The following C6orf132 variants were observed in gnomAD, a reference collection of about 807,000 sequenced individuals.
C6orf132 encodes the protein chromosome 6 open reading frame 132, also known as uncharacterized protein C6orf132.
In C6orf132, 43 loss-of-function variants were observed where a neutral mutation model predicts 65.3. That is an observed-to-expected ratio of 0.66 (90% CI 0.52 to 0.85). The LOEUF (loss-of-function observed/expected upper bound fraction) is 0.85. C6orf132 is among the 40% of genes least tolerant of loss of function. The pLI, the probability that C6orf132 is intolerant of heterozygous loss-of-function variation, is 0.00. For synonymous variants in C6orf132, 631 were observed against 654.1 expected, an observed-to-expected ratio of 0.96 and a Z score of 0.54; for missense variants, 1,488 against 1,548.8, an observed-to-expected ratio of 0.96 and a Z score of 0.66.
chr6:42,110,015 C>T (rs144279411), intron 3 of C6orf132, among the ~76,000 whole-genome samples: 69 of 152,298 alleles, frequency 4.5e-4, no homozygotes, highest in Non-Finnish European at 8.2e-4. Flanking sequence ...CTTCACTGAC[C>T]GTGGCTCTCC....
Position 42,104,762 on chromosome 6 carries a change from GC to G in C6orf132, c.3149del (p.Gly1050AlafsTer13). ...PAGARYAGAG[G>X]LERFSGGGRS... ...GGCCCCCTCCCGAGAAGCGCTCCAG[GC>G]CCCCAGCCCCGGCGTAGCGCGCGCC... On this transcript the variant is annotated frameshift_variant, in exon 4 of 5. Transcript: ENST00000341865. LOFTEE classifies it high-confidence loss of function. This position sits in a 1 kb window ranked among gnomAD's most constrained non-coding sequence, Gnocchi z 4.1. The G allele has an allele frequency of 6.6e-7, 1 of 1,513,946 alleles. No individual in the cohort carries two copies. The highest frequency in any genetic ancestry group is 2.2e-5 in the Admixed American group (1 of 45,794). The allele number at this position is 1,513,946 out of a possible 1,614,324, so 93.8% of individuals were successfully genotyped here. A position where few individuals can be genotyped will look rare whatever the true frequency, so the allele number is the denominator to read the frequency against.
At chr6:42,139,232 C>G (rs1239447007) in intron 1 of C6orf132, among the ~76,000 whole-genome samples, 1 of 152,210 alleles carries the variant, frequency 6.6e-6, no homozygotes, top group Non-Finnish European at 1.5e-5. Flanking sequence ...ATGTCACAGA[C>G]TCAGGGGCCC....
At chr6:42,127,181 C>A (rs1766781333) in intron 2 of C6orf132, among the ~76,000 whole-genome samples, 1 of 152,190 alleles carries the variant, frequency 6.6e-6, no homozygotes, top group Non-Finnish European at 1.5e-5. Context: ...TCTTGAACTC[C>A]TGGCCTCAAG....
At chr6:42,137,923 A>G (rs1357804307) in intron 1 of C6orf132, among the ~76,000 whole-genome samples, 1 of 152,110 alleles carries the variant, frequency 6.6e-6, no homozygotes, top group African/African-American at 2.4e-5. Context: ...AAAAATACAA[A>G]AATAGCCATG....
chr6:42,103,887 G>A lies in C6orf132; in HGVS notation c.3450-9C>T. ...TGGTGGTGTAGGGAGACCTGGGGGA[G>A]AGCAAGAGATGTGAGGTGAATATCT... On this transcript the variant is annotated splice_polypyrimidine_tract_variant and intron_variant, in intron 4 of 4. Transcript: ENST00000341865. The A allele has an allele frequency of 2.1e-6, 3 of 1,418,128 alleles. No homozygotes were observed. The highest frequency in any genetic ancestry group is 2.8e-6 in the Non-Finnish European group (3 of 1,084,918). The allele number at this position is 1,418,128 out of a possible 1,614,324, so 87.8% of individuals were successfully genotyped here.
At chr6:42,122,291 A>G (rs1460520932) in intron 2 of C6orf132, among the ~76,000 whole-genome samples, 8 of 152,200 alleles carry the variant, frequency 5.3e-5, no homozygotes, top group Non-Finnish European at 1.0e-4. Context: ...AGTAGGATCA[A>G]GGGGACATGC....
rs1428547412 is a variant in C6orf132 at position 42,106,742 on chromosome 6, C to T, written c.1170G>A (p.Pro390=). The change falls in exon 4 of 5, where the codon CCG becomes CCA. Residue 390 remains proline, a synonymous_variant. Coordinates refer to ENST00000341865, the MANE Select transcript of C6orf132 (RefSeq NM_001164446.3). Reference sequence around the variant, plus strand: ...GAGGGGGCAGGGGAGGGGCTGGAGGCGGAGTCCCAGCTCGTTCATCTGCTT... The same window carrying T: ...GAGGGGGCAGGGGAGGGGCTGGAGGTGGAGTCCCAGCTCGTTCATCTGCTT... ...QSQADERAGT[P]PPAPPLPPPA... is the part of the protein sequence containing the mutation. The T allele has an allele frequency of 2.0e-5, 31 of 1,528,080 alleles. No individual in the cohort carries two copies. Among genetic ancestry groups the T allele is most frequent in the Admixed American group, 9.8e-5 (5 of 50,798 alleles). The allele number at this position is 1,528,080 out of a possible 1,614,324, so 94.7% of individuals were successfully genotyped here. A position where few individuals can be genotyped will look rare whatever the true frequency, so the allele number is the denominator to read the frequency against.
chr6:42,133,601 T>C (rs1013946143), intron 1 of C6orf132, among the ~76,000 whole-genome samples: 2 of 152,158 alleles, frequency 1.3e-5, no homozygotes, highest in Admixed American at 6.6e-5. Flanking sequence ...GAGCCCCAGA[T>C]GGACCACAGT....
Position 42,142,540 on chromosome 6 carries a change from T to C in C6orf132, c.-96A>G. ...TCAGCACGGTCTCCCCAGGGGACTCTACCAGGCCATGTCCCCCGCCGTCCT... is the reference window on the plus strand; with the variant it reads ...TCAGCACGGTCTCCCCAGGGGACTCCACCAGGCCATGTCCCCCGCCGTCCT... On this transcript the variant is annotated 5_prime_UTR_variant, in exon 1 of 5. An upstream open reading frame in the 5' UTR loses its in-frame stop. Coordinates refer to ENST00000341865, the MANE Select transcript of C6orf132 (RefSeq NM_001164446.3). 9.3e-7 allele frequency: 1 copy of C among 1,078,908 alleles called. No individual in the cohort carries two copies. Among genetic ancestry groups the C allele is most frequent in the Non-Finnish European group, 1.2e-6 (1 of 834,944 alleles). The allele number at this position is 1,078,908 out of a possible 1,614,324, so 66.8% of individuals were successfully genotyped here. A position where few individuals can be genotyped will look rare whatever the true frequency, so the allele number is the denominator to read the frequency against.
chr6:42,115,859 T>C (rs1766558658), intron 2 of C6orf132, among the ~76,000 whole-genome samples: 1 of 151,744 alleles, frequency 6.6e-6, no homozygotes, highest in Non-Finnish European at 1.5e-5. Context: ...AGCTGCTACT[T>C]GGCCAGCACT....
chr6:42,127,301 C>T (rs534842037), intron 2 of C6orf132, among the ~76,000 whole-genome samples: 53 of 152,276 alleles, frequency 3.5e-4, no homozygotes, highest in Non-Finnish European at 5.7e-4. Flanking sequence ...ATAATATCCA[C>T]GAACTGCTTT....
At chr6:42,109,385 T>A (rs1160927852) in intron 3 of C6orf132, among the ~76,000 whole-genome samples, 1 of 151,960 alleles carries the variant, frequency 6.6e-6, no homozygotes, top group Non-Finnish European at 1.5e-5. Flanking sequence ...TGAGCTGAGA[T>A]CACACCACTG....
intron 2 of C6orf132, among the ~76,000 whole-genome samples, chr6:42,125,265 A>C (rs1429471976): frequency 6.6e-6 from 1 of 152,216 alleles, no homozygotes; most frequent in Non-Finnish European, 1.5e-5. Flanking sequence ...CAGGGATTCC[A>C]GTCGCGCTCT....
chr6:42,133,814 A>AT (rs557806289), intron 1 of C6orf132, among the ~76,000 whole-genome samples: 1 of 100,634 alleles, frequency 9.9e-6, no homozygotes, highest in African/African-American at 3.3e-5. Context: ...TCATAGAAGG[A>AT]GACAGGGGCG....
At chr6:42,139,560 G>A (rs1395066332) in intron 1 of C6orf132, among the ~76,000 whole-genome samples, 1 of 152,218 alleles carries the variant, frequency 6.6e-6, no homozygotes, top group Non-Finnish European at 1.5e-5. Context: ...ATTCCTCAAA[G>A]CAGGCCATGG....
At chr6:42,111,070 T>C (rs1233629785) in intron 2 of C6orf132, among the ~76,000 whole-genome samples, 2 of 152,172 alleles carry the variant, frequency 1.3e-5, no homozygotes, top group Non-Finnish European at 2.9e-5. Context: ...GCCTCCTGTG[T>C]GTTCTTAGTT....
Position 42,103,123 on chromosome 6 carries a change from T to C in C6orf132, c.*638A>G, listed in dbSNP as rs1316807973. ...CTGCCCTTGGCCAATGCAAAGGGCT[T>C]CCATTCCACATGTGGGAGCTTCACT... On this transcript the variant is annotated 3_prime_UTR_variant, in exon 5 of 5. Coordinates refer to ENST00000341865, the MANE Select transcript of C6orf132 (RefSeq NM_001164446.3). 1 of 398,638 alleles carries C rather than the reference T, an allele frequency of 2.5e-6. No individual in the cohort carries two copies. The highest frequency in any genetic ancestry group is 4.4e-6 in the Non-Finnish European group (1 of 226,142). The allele number at this position is 398,638 out of a possible 1,614,324, so 24.7% of individuals were successfully genotyped here. A position where few individuals can be genotyped will look rare whatever the true frequency, so the allele number is the denominator to read the frequency against.
chr6:42,116,728 C>A (rs1766585618), intron 2 of C6orf132, among the ~76,000 whole-genome samples: 1 of 152,194 alleles, frequency 6.6e-6, no homozygotes, highest in African/African-American at 2.4e-5. Flanking sequence ...CTTCTCCCCA[C>A]CTACTCCACA....
chr6:42,103,157 C>A lies in C6orf132; in HGVS notation c.*604G>T. The A allele has an allele frequency of 2.5e-6, 1 of 398,698 alleles. No homozygotes were observed. 24.7% of individuals were successfully genotyped at this position (398,698 alleles called of 1,614,324 possible). A position where few individuals can be genotyped will look rare whatever the true frequency, so the allele number is the denominator to read the frequency against. On this transcript the variant is annotated 3_prime_UTR_variant, in exon 5 of 5. Transcript: ENST00000341865. ...CATGTGGGAGCTTCACTCCCCACCCCACACATGGTCCTTCTCCACATGTTA... is the reference window on the plus strand; with the variant it reads ...CATGTGGGAGCTTCACTCCCCACCCAACACATGGTCCTTCTCCACATGTTA...
Sources: allele counts gnomAD v4.1 joint callset (sites outside exome capture counted in the v4.1 genomes callset), GRCh38; gene constraint gnomAD v4.1.1; non-coding constraint Gnocchi (gnomAD v3.1); transcripts MANE v1.5; gene names NCBI Gene and HGNC (gene_info 2026-07-23, HGNC 2026-07-21).